WNK2: variants seen among roughly 807,000 people sequenced by gnomAD.
WNK2 encodes WNK lysine deficient protein kinase 2.
Under a neutral mutation model 192.1 loss-of-function variants are expected in WNK2, and 67 were observed. The ratio of observed to expected loss-of-function variants is 0.35; its 90% confidence interval spans 0.29 to 0.43. The LOEUF is 0.43. Ranked by LOEUF, WNK2 falls within the 20% of genes least tolerant of loss-of-function variation. WNK2 has a pLI of 1.00. For synonymous variants in WNK2, 1,439 were observed against 1,393.9 expected, an observed-to-expected ratio of 1.03 and a Z score of -0.72; for missense variants, 2,698 against 3,089.7, an observed-to-expected ratio of 0.87 and a Z score of 3.01.
chr9:93,245,567 C>T (rs544269808), intron 7 of WNK2, among the ~76,000 whole-genome samples: 13 of 152,372 alleles, frequency 8.5e-5, no homozygotes, highest in South Asian at 4.1e-4. Flanking sequence ...GCTTGGTGCA[C>T]GGCGCCTGTG....
chr9:93,258,632 T>C (rs1843688959), intron 11 of WNK2, among the ~76,000 whole-genome samples: 1 of 152,108 alleles, frequency 6.6e-6, no homozygotes. Context: ...GTCGTGAGTG[T>C]GGACACAGGG....
At position 93,245,193 on chromosome 9, in the gene WNK2, C is replaced by T. The variant is rs544224130; in HGVS notation, c.1543-2350C>T. On this transcript the variant is annotated intron_variant, in intron 7 of 29. Coordinates refer to ENST00000427277, the MANE Select transcript of WNK2 (RefSeq NM_006648.4). ...ACTACAAAGAACCATTTATTTTCCA[C>T]GAACCATTTGAGACTAAGTGGCTGA... 9.2e-5 allele frequency among the ~76,000 whole-genome samples: 14 copies of T among 152,340 alleles called. No individual in the cohort carries two copies. In the South Asian group the frequency reaches 1.0e-3, roughly 11 times the overall value.
At chr9:93,217,920 C>T (rs752638115) in intron 2 of WNK2, among the ~76,000 whole-genome samples, 7 of 150,616 alleles carry the variant, frequency 4.6e-5, no homozygotes, top group Non-Finnish European at 1.0e-4. Flanking sequence ...TGGGCGTAGG[C>T]GTAGAAGACC....
intron 29 of WNK2, chr9:93,317,897 G>T: frequency 6.3e-7 from 1 of 1,585,570 alleles, no homozygotes. Flanking sequence ...ACCGCCCGGA[G>T]AAACCAGGTG....
chr9:93,201,696 G>GT (rs1420010813), intron 2 of WNK2, among the ~76,000 whole-genome samples: 1 of 152,206 alleles, frequency 6.6e-6, no homozygotes, highest in African/African-American at 2.4e-5. Flanking sequence ...CCCAGGACCC[G>GT]TGTCTCCCCC....
At chr9:93,266,214 G>A (rs1845146952) in intron 16 of WNK2, among the ~76,000 whole-genome samples, 1 of 152,168 alleles carries the variant, frequency 6.6e-6, no homozygotes, top group Non-Finnish European at 1.5e-5. Flanking sequence ...CCTGTGGACT[G>A]TCTTTCTGTG....
At chr9:93,200,692 G>T (rs766525081) in intron 2 of WNK2, among the ~76,000 whole-genome samples, 1 of 152,218 alleles carries the variant, frequency 6.6e-6, no homozygotes, top group Non-Finnish European at 1.5e-5. Context: ...TGGGCCTCTG[G>T]ATTGGGTGAC....
intron 2 of WNK2, among the ~76,000 whole-genome samples, chr9:93,213,210 C>T (rs1434016152): frequency 6.6e-6 from 1 of 152,092 alleles, no homozygotes; most frequent in African/African-American, 2.4e-5. Context: ...CTGGGAACCC[C>T]GGGCTCTGAA....
Position 93,308,536 on chromosome 9 carries a change from A to C in WNK2, c.6468A>C (p.Gln2156His). 6.2e-6 allele frequency: 10 copies of C among 1,603,632 alleles called. No individual in the cohort carries two copies. Among genetic ancestry groups the C allele is most frequent in the Non-Finnish European group, 8.5e-6 (10 of 1,175,818 alleles). ...AGCTGAAGCAGACCCAGAAGCTGCA[A>C]GACATGGAGGCCCAGGCAGGCTGGG... The part of the protein sequence containing the change: ...LNQLKQTQKL[Q>H]DMEAQAGWAA... The change falls in exon 28 of 30, where the codon CAA (glutamine) becomes CAC (histidine). Residue 2156 changes from glutamine to histidine, a missense_variant. Physicochemically the swap from Gln to His is conservative, Grantham distance 24. Around this residue, in one of 7 missense-constraint regions of WNK2, gnomAD observed 167 missense variants for 184.2 expected, o/e 0.91. Transcript: ENST00000427277.
At chr9:93,244,222 C>CCTCTTG (rs1323391981) in intron 7 of WNK2, among the ~76,000 whole-genome samples, 1 of 152,184 alleles carries the variant, frequency 6.6e-6, no homozygotes, top group Non-Finnish European at 1.5e-5. Flanking sequence ...CTCTCCTTCC[C>CCTCTTG]CTGAAGTCAC....
chr9:93,288,861 C>T lies in WNK2; in HGVS notation c.4107C>T (p.Ser1369=), dbSNP rs1450843881. The change falls in exon 20 of 30, where the codon AGC becomes AGT. Residue 1369 remains serine (S), a synonymous_variant. Coordinates refer to ENST00000427277, the MANE Select transcript of WNK2 (RefSeq NM_006648.4). ...TTCTAGCCAGTCAGCAGCTCCTGAG[C>T]CAGGCGGGCCCCAGCAACCCTCCTG... ...PSFLASQQLL[S]QAGPSNPPGA... 1.2e-6 allele frequency: 2 copies of T among 1,612,080 alleles called. No homozygotes were observed. The highest frequency in any genetic ancestry group is 2.2e-5 in the South Asian group (2 of 90,874).
chr9:93,243,148 C>G (rs563654127), intron 7 of WNK2, among the ~76,000 whole-genome samples: 180 of 152,300 alleles, frequency 1.2e-3, no homozygotes, highest in Middle Eastern at 6.8e-3. Context: ...ACCTCGTGGG[C>G]TCCTTGCCTG....
chr9:93,248,133 G>A (rs1039618143), intron 8 of WNK2, among the ~76,000 whole-genome samples: 2 of 152,254 alleles, frequency 1.3e-5, no homozygotes, highest in Non-Finnish European at 2.9e-5. Flanking sequence ...AACTTCATAA[G>A]AGAGCAACTT....
At chr9:93,246,294 C>G (rs1363149290) in intron 7 of WNK2, among the ~76,000 whole-genome samples, 1 of 152,212 alleles carries the variant, frequency 6.6e-6, no homozygotes, top group Non-Finnish European at 1.5e-5. Flanking sequence ...TCCTGCCCAG[C>G]CTTGAGCTGC....
chr9:93,316,393 C>T (rs1854669710), intron 28 of WNK2: 1 of 152,224 alleles, frequency 6.6e-6, no homozygotes, highest in African/African-American at 2.4e-5. Context: ...ATATGAACAA[C>T]ATGAGCGTTC....
intron 28 of WNK2, chr9:93,316,903 G>A (rs1024680667): frequency 3.3e-5 from 5 of 153,304 alleles, no homozygotes; most frequent in African/African-American, 9.6e-5. Context: ...TGATTTCCAG[G>A]AAGGGTTGTG....
chr9:93,288,769 T>A lies in WNK2; in HGVS notation c.4034-19T>A. ...ACTGGAGTACCCTGGTACAAAGGCA[T>A]TTTCCCCATTTCTTCTAGATTCAGC... On this transcript the variant is annotated intron_variant, in intron 19 of 29. Transcript: ENST00000427277. 1 of 1,594,650 alleles carries A rather than the reference T, an allele frequency of 6.3e-7. No homozygotes were observed. Among genetic ancestry groups the A allele is most frequent in the Non-Finnish European group, 8.5e-7 (1 of 1,171,686 alleles).
At chr9:93,230,737 C>T in intron 3 of WNK2, 151 bp from the exon 4 acceptor site, 2 of 772,354 alleles carry the variant, frequency 2.6e-6, no homozygotes, top group Non-Finnish European at 4.1e-6. Context: ...CTGTCCGGCC[C>T]TCCCGTCTCA....
chr9:93,250,782 C>CTTTT lies in WNK2; in HGVS notation c.1835-2084_1835-2081dup, dbSNP rs35468086. 5.3e-4 allele frequency among the ~76,000 whole-genome samples: 63 copies of CTTTT among 118,592 alleles called. 1 individual carries two copies. Among genetic ancestry groups the CTTTT allele is most frequent in the Middle Eastern group, 5.8e-3 (1 of 172 alleles). 77.8% of individuals were successfully genotyped at this position (118,592 alleles called of 152,430 possible). ...ATTGTGTAATTAATGAACTCATTCACTTTTTTTTTTTTTTTTTTTTGAGAC... is the reference window on the plus strand; with the variant it reads ...ATTGTGTAATTAATGAACTCATTCACTTTTTTTTTTTTTTTTTTTTTTTTGAGAC... On this transcript the variant is annotated intron_variant, in intron 8 of 29. Transcript: ENST00000427277.
Sources: gnomAD v4.1 joint callset for allele counts (sites outside exome capture counted in the v4.1 genomes callset) on GRCh38, gnomAD v4.1.1 for gene constraint, gnomAD v4.1.1 regional missense constraint, MANE v1.5 for transcripts, NCBI Gene and HGNC (gene_info 2026-07-23, HGNC 2026-07-21) for gene names.